Variants in INPP5B observed in about 807,000 individuals in gnomAD.
The protein encoded by INPP5B is inositol polyphosphate-5-phosphatase B.
In INPP5B, 90 loss-of-function variants were observed where a neutral mutation model predicts 118.5. The observed-to-expected ratio is 0.76, with a 90% CI of 0.64 to 0.90. The LOEUF is 0.90. Among genes scored for constraint, INPP5B ranks in the 40% least tolerant of loss-of-function variants. INPP5B has a pLI of 0.00. For missense variants in INPP5B, 984 were observed against 1,125.6 expected, an observed-to-expected ratio of 0.87 and a Z score of 1.80; for synonymous variants, 385 against 418.9, an observed-to-expected ratio of 0.92 and a Z score of 0.99.
chr1:37,904,317 C>T (rs912426281), intron 7 of INPP5B, among the ~76,000 whole-genome samples: 24 of 151,984 alleles, frequency 1.6e-4, no homozygotes, highest in Admixed American at 5.9e-4. Flanking sequence ...GAGCAAGACT[C>T]CGTCTCAAAA....
At chr1:37,919,368 C>T (rs567107643) in intron 7 of INPP5B, among the ~76,000 whole-genome samples, 1 of 152,228 alleles carries the variant, frequency 6.6e-6, no homozygotes, top group South Asian at 2.1e-4. Context: ...CAAAACCATG[C>T]AAGCAAAATA....
chr1:37,916,305 T>C (rs1172521532), intron 7 of INPP5B, among the ~76,000 whole-genome samples: 6 of 151,982 alleles, frequency 3.9e-5, no homozygotes, highest in Non-Finnish European at 2.9e-5. Flanking sequence ...TCTTGCCCAG[T>C]CTGGTCTCGA....
intron 7 of INPP5B, among the ~76,000 whole-genome samples, chr1:37,905,927 G>A (rs1644488256): frequency 6.6e-6 from 1 of 152,160 alleles, no homozygotes; most frequent in African/African-American, 2.4e-5. Flanking sequence ...TAAAAATTGA[G>A]TAAAGTATAC....
intron 13 of INPP5B, chr1:37,883,680 C>T: frequency 2.2e-5 from 22 of 985,420 alleles, no homozygotes; most frequent in Non-Finnish European, 2.4e-5. Context: ...TAGGATGCTG[C>T]AGGTTCACCA....
At chr1:37,882,439 G>A (rs1027610534) in intron 14 of INPP5B, among the ~76,000 whole-genome samples, 2 of 152,186 alleles carry the variant, frequency 1.3e-5, no homozygotes, top group Non-Finnish European at 2.9e-5. Flanking sequence ...GAGAAGCACA[G>A]AGGAGAAGGA....
chr1:37,909,171 C>T (rs183168848), intron 7 of INPP5B, among the ~76,000 whole-genome samples: 3 of 152,264 alleles, frequency 2.0e-5, no homozygotes, highest in Non-Finnish European at 4.4e-5. Flanking sequence ...TTTTACACAT[C>T]GGTCCCTTCC....
chr1:37,927,309 G>A (rs1258951035), intron 7 of INPP5B, among the ~76,000 whole-genome samples: 1 of 151,842 alleles, frequency 6.6e-6, no homozygotes, highest in Non-Finnish European at 1.5e-5. Context: ...AAAAAAAGGA[G>A]CAGTTAAATA....
At position 37,924,412 on chromosome 1, in the gene INPP5B, G is replaced by A. The variant is rs569904416; in HGVS notation, c.532+7501C>T. Among the ~76,000 whole-genome samples, 9 of 149,434 alleles carry A rather than the reference G, an allele frequency of 6.0e-5. No homozygotes were observed. In the South Asian group the frequency reaches 1.3e-3, roughly 21 times the overall value. On this transcript the variant is annotated intron_variant, in intron 7 of 23. Coordinates refer to ENST00000373024, the MANE Select transcript of INPP5B (RefSeq NM_005540.3). ...TCAAACTCCTGGCCTCAAGTGACCC[G>A]CCCACCTCAGCCTCCCAAAGTGCTG...
chr1:37,873,292 A>G (rs1448827368), intron 18 of INPP5B, 127 bp from the exon 19 acceptor site: 2 of 669,764 alleles, frequency 3.0e-6, no homozygotes, highest in Non-Finnish European at 5.2e-6. Flanking sequence ...CAGCCAACCA[A>G]CAAGCATCCA....
intron 6 of INPP5B, among the ~76,000 whole-genome samples, chr1:37,938,847 G>A (rs775774734): frequency 7.9e-5 from 12 of 151,970 alleles, no homozygotes; most frequent in African/African-American, 2.2e-4. Context: ...ACCTTAGGCC[G>A]GGAGTTCGAG....
At chr1:37,869,480 T>TTTAC (rs1168210424) in intron 19 of INPP5B, among the ~76,000 whole-genome samples, 2 of 149,598 alleles carry the variant, frequency 1.3e-5, no homozygotes, top group Non-Finnish European at 3.0e-5. Context: ...TATTTATTTA[T>TTTAC]TTACTTATTT....
At chr1:37,862,553 C>T (rs2148435496) in intron 23 of INPP5B, 123 bp from the exon 24 acceptor site, 2 of 680,694 alleles carry the variant, frequency 2.9e-6, no homozygotes, top group East Asian at 2.6e-5. Context: ...ATTGTGCAAA[C>T]ATCATAGCGT....
intron 7 of INPP5B, chr1:37,928,950 C>T (rs1026080424): frequency 1.3e-5 from 2 of 152,006 alleles, no homozygotes; most frequent in African/African-American, 4.8e-5. Flanking sequence ...TTCTTCCCAC[C>T]TGTTATAGAA....
intron 21 of INPP5B, 52 bp downstream of exon 21, chr1:37,866,407 C>CACACACACACACAG (rs1642047973): frequency 2.8e-6 from 1 of 360,402 alleles, no homozygotes; most frequent in South Asian, 4.2e-5. Flanking sequence ...CTCTCTCTCT[C>CACACACACACACAG]ACACACACAC....
intron 15 of INPP5B, 76 bp from the exon 16 acceptor site, chr1:37,878,399 GTGGGGAGTGATGAA>G: frequency 6.3e-7 from 1 of 1,577,536 alleles, no homozygotes; most frequent in Non-Finnish European, 8.6e-7. Flanking sequence ...CCTGGCTCAG[GTGGGGAGTGATGAA>G]TCAGGGCCTT....
intron 16 of INPP5B, among the ~76,000 whole-genome samples, chr1:37,876,394 T>C (rs911836464): frequency 9.9e-5 from 15 of 150,912 alleles, no homozygotes; most frequent in Admixed American, 2.6e-4. Flanking sequence ...GTGTGAGGCA[T>C]TGTAATGATA....
intron 6 of INPP5B, among the ~76,000 whole-genome samples, chr1:37,936,857 G>A (rs1332826712): frequency 6.6e-6 from 1 of 150,430 alleles, no homozygotes; most frequent in Non-Finnish European, 1.5e-5. Context: ...ATGAGCCACC[G>A]TGCCTGGCCT....
At chr1:37,890,525 AG>A (rs1280294953) in intron 8 of INPP5B, among the ~76,000 whole-genome samples, 1 of 151,636 alleles carries the variant, frequency 6.6e-6, no homozygotes, top group East Asian at 1.9e-4. Context: ...TACTGATACA[AG>A]TAAGTGTTTT....
At chr1:37,930,517 G>A (rs1342180087) in intron 7 of INPP5B, 1 of 152,316 alleles carries the variant, frequency 6.6e-6, no homozygotes, top group Non-Finnish European at 1.5e-5. Flanking sequence ...GCAGTCTCTT[G>A]TGAAGGGGCA....
Sources: allele counts gnomAD v4.1 joint callset (sites outside exome capture counted in the v4.1 genomes callset), GRCh38; gene constraint gnomAD v4.1.1; transcripts MANE v1.5; gene names NCBI Gene and HGNC (gene_info 2026-07-23, HGNC 2026-07-21).